The following SUGCT variants were observed in gnomAD, a reference collection of about 807,000 sequenced individuals.
SUGCT encodes the protein succinyl-CoA:glutarate CoA-transferase.
SUGCT carries 41 observed loss-of-function variants against 55.0 expected under a neutral mutation model. That is an observed-to-expected ratio of 0.74 (90% CI 0.58 to 0.97). The LOEUF (loss-of-function observed/expected upper bound fraction) is 0.97, where lower values mean the gene tolerates loss of function less well. SUGCT is among the 50% of genes least tolerant of loss of function. SUGCT has a pLI of 0.00. For synonymous variants in SUGCT, 187 were observed against 200.4 expected (o/e 0.93, Z 0.56); for missense variants, 568 against 547.8 (o/e 1.04, Z -0.37).
At position 40,459,094 on chromosome 7, in the gene SUGCT, C is replaced by A. The variant is rs6960628; in HGVS notation, c.889-7C>A. The A allele has an allele frequency of 7.5e-3, 11,887 of 1,594,718 alleles. 763 individuals are homozygous for A. The African/African-American group carries it at 0.14, about 19-fold the overall frequency. ...TCTTATACTGGAAAATTATTTTTTTCTTTTAGATCTTGGATTTGCCTGAGT... is the reference window on the plus strand; with the variant it reads ...TCTTATACTGGAAAATTATTTTTTTATTTTAGATCTTGGATTTGCCTGAGT... On this transcript the variant is annotated splice_polypyrimidine_tract_variant and splice_region_variant and intron_variant, in intron 10 of 13. Coordinates refer to ENST00000335693, the MANE Select transcript of SUGCT (RefSeq NM_001193313.2).
At chr7:40,993,810 G>A in the SUGCT span, among the ~76,000 whole-genome samples, 1 of 152,152 alleles carries the variant, frequency 6.6e-6, no homozygotes, top group East Asian at 1.9e-4. Context: ...ACCTTCCTGA[G>A]ACTCAACTTT....
chr7:40,147,099 C>T (rs531533235), intron 1 of SUGCT, among the ~76,000 whole-genome samples: 1 of 151,816 alleles, frequency 6.6e-6, no homozygotes, highest in Non-Finnish European at 1.5e-5. Context: ...TCTCTTTCCT[C>T]TCTGCTGGTC....
chr7:40,375,634 C>T (rs543737040), intron 9 of SUGCT, among the ~76,000 whole-genome samples: 10 of 152,278 alleles, frequency 6.6e-5, no homozygotes, highest in Non-Finnish European at 1.3e-4. Context: ...TCCCAGACAA[C>T]CCTATCTAAA....
chr7:40,530,579 T>A (rs984921266), intron 12 of SUGCT, among the ~76,000 whole-genome samples: 1 of 152,182 alleles, frequency 6.6e-6, no homozygotes, highest in Non-Finnish European at 1.5e-5. Context: ...ACAAACAAGA[T>A]AAAATATTCT....
intron 12 of SUGCT, among the ~76,000 whole-genome samples, chr7:40,628,959 C>T (rs953666899): frequency 6.6e-6 from 1 of 152,108 alleles, no homozygotes; most frequent in African/African-American, 2.4e-5. Flanking sequence ...CCAGGCTGGT[C>T]TCAAACTCCT....
chr7:40,494,451 G>A (rs1457489447), intron 11 of SUGCT, among the ~76,000 whole-genome samples: 1 of 152,168 alleles, frequency 6.6e-6, no homozygotes, highest in Non-Finnish European at 1.5e-5. Context: ...ATTGATTAGA[G>A]CCCAAACATT....
intron 9 of SUGCT, among the ~76,000 whole-genome samples, chr7:40,422,494 C>A (rs115376463): frequency 2.0e-5 from 3 of 152,118 alleles, no homozygotes; most frequent in African/African-American, 7.2e-5. Context: ...TTTTGTCTGG[C>A]ATTGTATATG....
chr7:40,891,827 G>A, the SUGCT span, among the ~76,000 whole-genome samples: 7 of 152,108 alleles, frequency 4.6e-5, no homozygotes, highest in Non-Finnish European at 1.0e-4. Context: ...GGCTAACAAG[G>A]TGAAAGGCTG....
chr7:40,684,068 G>A, intron 12 of SUGCT: 1 of 1,612,324 alleles, frequency 6.2e-7, no homozygotes, highest in Admixed American at 1.7e-5. Context: ...CGCTGTCTCT[G>A]GCTTCCAAAG....
chr7:40,958,360 C>T, the SUGCT span, among the ~76,000 whole-genome samples: 1 of 151,960 alleles, frequency 6.6e-6, no homozygotes, highest in African/African-American at 2.4e-5. Flanking sequence ...TTGTTCATTC[C>T]TGTTCATTCT....
chr7:40,927,283 T>G, the SUGCT span, among the ~76,000 whole-genome samples: 1 of 152,200 alleles, frequency 6.6e-6, no homozygotes, highest in African/African-American at 2.4e-5. Context: ...TTGAGATGTC[T>G]TAATCTTTTG....
At chr7:40,680,642 C>A (rs913647833) in intron 12 of SUGCT, among the ~76,000 whole-genome samples, 1 of 152,150 alleles carries the variant, frequency 6.6e-6, no homozygotes. Context: ...GGAAAAAAAT[C>A]TCATATTTTA....
At chr7:40,191,642 G>A (rs983498035) in intron 5 of SUGCT, among the ~76,000 whole-genome samples, 4 of 152,064 alleles carry the variant, frequency 2.6e-5, no homozygotes, top group African/African-American at 4.8e-5. Flanking sequence ...CAAGCAATCC[G>A]CATGCCTCAG....
chr7:40,618,484 GT>G (rs1799114968), intron 12 of SUGCT, among the ~76,000 whole-genome samples: 1 of 152,136 alleles, frequency 6.6e-6, no homozygotes, highest in African/African-American at 2.4e-5. Context: ...AAGTAACTTT[GT>G]TTTCATGACC....
At chr7:40,353,313 A>G (rs1293674401) in intron 9 of SUGCT, among the ~76,000 whole-genome samples, 1 of 152,196 alleles carries the variant, frequency 6.6e-6, no homozygotes, top group African/African-American at 2.4e-5. Context: ...GACCAGCAGC[A>G]TAGATCTCAC....
chr7:40,640,604 A>T (rs1800227038), intron 12 of SUGCT, among the ~76,000 whole-genome samples: 1 of 152,226 alleles, frequency 6.6e-6, no homozygotes, highest in African/African-American at 2.4e-5. Context: ...GTTTCCTGAG[A>T]TTGAAAAATG....
the SUGCT span, among the ~76,000 whole-genome samples, chr7:40,901,555 C>A: frequency 6.6e-6 from 1 of 152,152 alleles, no homozygotes. Context: ...TCAGGCCTCA[C>A]GGAATGATGT....
At chr7:40,374,084 A>G (rs1337634018) in intron 9 of SUGCT, among the ~76,000 whole-genome samples, 1 of 152,162 alleles carries the variant, frequency 6.6e-6, no homozygotes, top group Non-Finnish European at 1.5e-5. Context: ...TTAGAGATGC[A>G]CAATACTAAC....
chr7:40,568,010 AT>A (rs1796241029), intron 12 of SUGCT, among the ~76,000 whole-genome samples: 1 of 152,226 alleles, frequency 6.6e-6, no homozygotes, highest in African/African-American at 2.4e-5. Flanking sequence ...CAAATGAATG[AT>A]TCCATTTGAG....
Sources: allele counts gnomAD v4.1 joint callset (sites outside exome capture counted in the v4.1 genomes callset), GRCh38; gene constraint gnomAD v4.1.1; transcripts MANE v1.5; gene names NCBI Gene and HGNC (gene_info 2026-07-23, HGNC 2026-07-21).